Variants in FDFT1 observed in about 807,000 individuals in gnomAD.
FDFT1 encodes the protein farnesyl-diphosphate farnesyltransferase 1.
In FDFT1, 68 loss-of-function variants were observed where a neutral mutation model predicts 46.8. The observed-to-expected ratio is 1.45, with a 90% CI of 1.19 to 1.78. The LOEUF (loss-of-function observed/expected upper bound fraction) is 1.78. FDFT1 is among the 40% of genes most tolerant of loss of function. The pLI is 0.00. For synonymous variants in FDFT1, 351 were observed against 185.1 expected (o/e 1.90, Z -7.28); for missense variants, 928 against 524.4 (o/e 1.77, Z -7.52).
At chr8:11,799,242 C>G (rs1805863101), upstream of FDFT1, among the ~76,000 whole-genome samples, 1 of 152,212 alleles carries the variant, frequency 6.6e-6, no homozygotes, top group Non-Finnish European at 1.5e-5. Flanking sequence ...GCGGTCTTAT[C>G]AGGAGAAAGT....
chr8:11,827,474 C>T (rs186879407), intron 5 of FDFT1, among the ~76,000 whole-genome samples: 5 of 150,432 alleles, frequency 3.3e-5, no homozygotes, highest in South Asian at 4.2e-4. Flanking sequence ...GTTGTAATCA[C>T]ACCACTGCAC....
upstream of FDFT1, chr8:11,802,628 C>T: frequency 1.7e-6 from 1 of 594,122 alleles, no homozygotes; most frequent in Non-Finnish European, 3.0e-6. Context: ...GCCCGTCAGC[C>T]CACCCCACGA....
intron 1 of FDFT1, among the ~76,000 whole-genome samples, chr8:11,796,632 G>A (rs891924559): frequency 1.3e-5 from 2 of 152,228 alleles, no homozygotes; most frequent in African/African-American, 4.8e-5. Context: ...GCCTGGGGAA[G>A]TTGGAAGCAG....
At chr8:11,834,136 T>C (rs951555676) in intron 7 of FDFT1, among the ~76,000 whole-genome samples, 3 of 152,238 alleles carry the variant, frequency 2.0e-5, no homozygotes, top group African/African-American at 7.2e-5. Context: ...GTCCGATCTC[T>C]GGACTTAGTG....
chr8:11,831,788 A>G (rs1429737574), intron 7 of FDFT1, 118 bp downstream of exon 7: 1 of 864,110 alleles, frequency 1.2e-6, no homozygotes, highest in African/African-American at 1.7e-5. Context: ...CTGTGGCCTA[A>G]AGAGACAGGA....
chr8:11,836,082 A>G (rs958120472), intron 7 of FDFT1, among the ~76,000 whole-genome samples: 2 of 150,764 alleles, frequency 1.3e-5, no homozygotes, highest in Admixed American at 1.3e-4. Context: ...GAACCTGGGA[A>G]GTGGAGGCTG....
chr8:11,812,052 A>T lies in FDFT1; in HGVS notation c.381+2202A>T, dbSNP rs548376329. ...GATGGAACAAGTAGTGTGAAAGAGG[A>T]CTGATACCTTGGCCTCACACACAGT... On this transcript the variant is annotated intron_variant, in intron 3 of 7. Coordinates refer to ENST00000220584, the MANE Select transcript of FDFT1 (RefSeq NM_004462.5). Among the ~76,000 whole-genome samples, 111 of 152,296 alleles carry T rather than the reference A, an allele frequency of 7.3e-4. 1 individual carries two copies. The highest frequency in any genetic ancestry group is 2.4e-3 in the African/African-American group (100 of 41,566).
At chr8:11,825,560 A>C in intron 4 of FDFT1, among the ~76,000 whole-genome samples, 1 of 138,928 alleles carries the variant, frequency 7.2e-6, no homozygotes, top group African/African-American at 2.6e-5. Flanking sequence ...AAAAAAAAAA[A>C]GTTATTGTAA....
At chr8:11,821,989 T>G (rs926079407) in intron 4 of FDFT1, 111 bp downstream of exon 4, 99 of 1,284,454 alleles carry the variant, frequency 7.7e-5, no homozygotes, top group Middle Eastern at 4.1e-4. Context: ...CCCTCTGGTT[T>G]TACAATTCAT....
intron 5 of FDFT1, among the ~76,000 whole-genome samples, 155 bp downstream of exon 5, chr8:11,826,370 C>T (rs995723836): frequency 1.3e-5 from 2 of 152,206 alleles, no homozygotes; most frequent in Admixed American, 6.5e-5. Context: ...CATGAGTTTG[C>T]TTCAGGTAGA....
chr8:11,808,624 G>A (rs1001136698), intron 1 of FDFT1, 170 bp from the exon 2 acceptor site: 79 of 1,389,092 alleles, frequency 5.7e-5, no homozygotes, highest in Admixed American at 3.3e-4. Flanking sequence ...ACCGCCCCGC[G>A]GGGCTGCTGC....
intron 1 of FDFT1, among the ~76,000 whole-genome samples, chr8:11,804,996 C>T (rs1042158659): frequency 6.9e-6 from 1 of 144,360 alleles, no homozygotes; most frequent in African/African-American, 2.6e-5. Flanking sequence ...CCAGTTTTGA[C>T]TTCCTTGGCT....
chr8:11,807,059 A>T (rs1806942815), intron 1 of FDFT1, among the ~76,000 whole-genome samples: 1 of 151,468 alleles, frequency 6.6e-6, no homozygotes, highest in Non-Finnish European at 1.5e-5. Context: ...TAAACCTCCC[A>T]CCAGAGCCCA....
At chr8:11,819,126 G>A (rs1041334127) in intron 3 of FDFT1, among the ~76,000 whole-genome samples, 35 of 152,278 alleles carry the variant, frequency 2.3e-4, no homozygotes, top group African/African-American at 8.4e-4. Flanking sequence ...TAGTTTGGCT[G>A]GTTATGAGAT....
intron 5 of FDFT1, among the ~76,000 whole-genome samples, chr8:11,827,780 C>T (rs189376545): frequency 9.2e-5 from 14 of 152,158 alleles, no homozygotes; most frequent in East Asian, 1.9e-4. Context: ...AGGTGGCTCA[C>T]GCCTGTAATC....
intron 4 of FDFT1, among the ~76,000 whole-genome samples, chr8:11,822,539 G>T (rs1809408461): frequency 6.6e-6 from 1 of 152,108 alleles, no homozygotes; most frequent in African/African-American, 2.4e-5. Context: ...AAGTTAGCCG[G>T]GTACTATGGT....
chr8:11,809,264 C>T (rs1807366547), intron 2 of FDFT1: 1 of 1,116,832 alleles, frequency 9.0e-7, no homozygotes, highest in Non-Finnish European at 1.1e-6. Flanking sequence ...GTGCACATTA[C>T]ACCCATGAAC....
chr8:11,825,748 T>C (rs2092482081), intron 4 of FDFT1, among the ~76,000 whole-genome samples: 1 of 152,040 alleles, frequency 6.6e-6, no homozygotes, highest in East Asian at 1.9e-4. Flanking sequence ...TAGCCTTTTA[T>C]TATAGTAGCA....
At chr8:11,831,719 T>A (rs2409836) in intron 7 of FDFT1, 49 bp downstream of exon 7, 3 of 1,457,832 alleles carry the variant, frequency 2.1e-6, no homozygotes, top group Admixed American at 3.4e-5. Flanking sequence ...CTTTTATGAT[T>A]TAGTAATGTC....
Sources: allele counts gnomAD v4.1 joint callset (sites outside exome capture counted in the v4.1 genomes callset), GRCh38; gene constraint gnomAD v4.1.1; transcripts MANE v1.5; gene names NCBI Gene and HGNC (gene_info 2026-07-23, HGNC 2026-07-21).